TMC1: variants seen among roughly 807,000 people sequenced by gnomAD.
The protein encoded by TMC1 is transmembrane channel like 1.
A neutral mutation model predicts 105.8 loss-of-function variants in TMC1; 84 were observed. That is an observed-to-expected ratio of 0.79 (90% confidence interval 0.67 to 0.95). The LOEUF (loss-of-function observed/expected upper bound fraction) is 0.95. TMC1 is among the 40% of genes least tolerant of loss of function. TMC1 has a pLI of 0.00. For missense variants in TMC1, 817 were observed against 914.1 expected (o/e 0.89, Z 1.37); for synonymous variants, 315 against 311.5 (o/e 1.01, Z -0.12).
chr9:72,545,693 C>T (rs902420380), intron 1 of TMC1, among the ~76,000 whole-genome samples: 1 of 151,842 alleles, frequency 6.6e-6, no homozygotes, highest in Non-Finnish European at 1.5e-5. Flanking sequence ...TCACCATGTT[C>T]GCCAGGCTGG....
At chr9:72,690,567 G>C (rs932481790) in intron 6 of TMC1, among the ~76,000 whole-genome samples, 2 of 152,072 alleles carry the variant, frequency 1.3e-5, no homozygotes, top group African/African-American at 4.8e-5. Context: ...TTATTTCTCT[G>C]TCATTTATAA....
chr9:72,742,233 A>C (rs1482815310), intron 9 of TMC1, among the ~76,000 whole-genome samples: 1 of 152,132 alleles, frequency 6.6e-6, no homozygotes, highest in East Asian at 1.9e-4. Context: ...GGGATCGATA[A>C]ACATTTTTTT....
At position 72,815,972 on chromosome 9, in the gene TMC1, A is replaced by G. The variant is rs574217745; in HGVS notation, c.1696-171A>G. 1.1e-4 allele frequency among the ~76,000 whole-genome samples: 17 copies of G among 152,312 alleles called. No homozygotes were observed. In the East Asian group the frequency reaches 2.7e-3, roughly 24 times the overall value. ...ATGAGTCTCACTGTGTTTAAAAAAAAAAAGGTGCTTTCTTTGTTTTATTTA... is the reference window on the plus strand; with the variant it reads ...ATGAGTCTCACTGTGTTTAAAAAAAGAAAGGTGCTTTCTTTGTTTTATTTA... On this transcript the variant is annotated intron_variant, in intron 18 of 23. Coordinates refer to ENST00000297784, the MANE Select transcript of TMC1 (RefSeq NM_138691.3).
At chr9:72,643,834 C>A (rs1489344907) in intron 4 of TMC1, among the ~76,000 whole-genome samples, 1 of 152,146 alleles carries the variant, frequency 6.6e-6, no homozygotes, top group Non-Finnish European at 1.5e-5. Flanking sequence ...GTATGTTTAA[C>A]TTTTAAAGAA....
At chr9:72,734,136 A>T (rs1475929715) in intron 8 of TMC1, among the ~76,000 whole-genome samples, 1 of 152,234 alleles carries the variant, frequency 6.6e-6, no homozygotes, top group East Asian at 1.9e-4. Flanking sequence ...ATGAGATTTC[A>T]TCATGCTACT....
At chr9:72,714,312 A>G (rs1332322906) in intron 8 of TMC1, among the ~76,000 whole-genome samples, 2 of 152,064 alleles carry the variant, frequency 1.3e-5, no homozygotes, top group Non-Finnish European at 2.9e-5. Context: ...TAAGTCCTGG[A>G]TATCCTTGTT....
intron 6 of TMC1, among the ~76,000 whole-genome samples, chr9:72,693,937 C>A (rs532451760): frequency 6.6e-5 from 10 of 150,928 alleles, no homozygotes; most frequent in African/African-American, 2.4e-4. Context: ...AATAAATGAT[C>A]AAGCAAATGT....
intron 1 of TMC1, among the ~76,000 whole-genome samples, chr9:72,525,285 G>A (rs1823386444): frequency 6.6e-6 from 1 of 152,154 alleles, no homozygotes; most frequent in Admixed American, 6.5e-5. Context: ...AGTAGGACAG[G>A]AGGGCAGCTG....
intron 4 of TMC1, among the ~76,000 whole-genome samples, chr9:72,631,677 G>C (rs1157758149): frequency 3.3e-5 from 5 of 152,306 alleles, no homozygotes; most frequent in Middle Eastern, 6.8e-3. Context: ...AGCAAGTTGA[G>C]GGGGGAAGCA....
In TMC1 at chr9:72,836,117, A is replaced by G. The variant is rs769296389; in HGVS notation, c.*144A>G. 8 of 934,402 alleles carry G rather than the reference A, an allele frequency of 8.6e-6. No individual in the cohort carries two copies. The highest frequency in any genetic ancestry group is 7.2e-5 in the East Asian group (3 of 41,806). 57.9% of individuals were successfully genotyped at this position (934,402 alleles called of 1,614,324 possible). A position where few individuals can be genotyped will look rare whatever the true frequency, so the allele number is the denominator to read the frequency against. On this transcript the variant is annotated 3_prime_UTR_variant, in exon 24 of 24. Coordinates refer to ENST00000297784, the MANE Select transcript of TMC1 (RefSeq NM_138691.3). The stretch of plus-strand genomic sequence containing the variant: ...TGGATTTTCAAGGTCATGCTGGCCA[A>G]TTAAGGCATCATCAGTCCTACCTGA...
Position 72,836,208 on chromosome 9 carries a change from T to G in TMC1, c.*235T>G. 1 of 576,712 alleles carries G rather than the reference T, an allele frequency of 1.7e-6. No homozygotes were observed. The highest frequency in any genetic ancestry group is 3.1e-6 in the Non-Finnish European group (1 of 323,428). 35.7% of individuals were successfully genotyped at this position (576,712 alleles called of 1,614,324 possible). ...TCTGCAGAGCCACTCTCTCCCCTGC[T>G]CCATTTCGTGACTTTTTTTTTTTTT... On this transcript the variant is annotated 3_prime_UTR_variant, in exon 24 of 24. Transcript: ENST00000297784.
At chr9:72,641,036 A>G (rs1825619755) in intron 4 of TMC1, among the ~76,000 whole-genome samples, 1 of 152,144 alleles carries the variant, frequency 6.6e-6, no homozygotes, top group South Asian at 2.1e-4. Context: ...GGTCAAAATT[A>G]TGTTTGTGGG....
intron 13 of TMC1, among the ~76,000 whole-genome samples, chr9:72,774,237 C>A (rs1200343072): frequency 1.3e-5 from 2 of 152,094 alleles, no homozygotes; most frequent in East Asian, 3.8e-4. Flanking sequence ...TCTAGAGCAG[C>A]ATTGTGCCAG....
At chr9:72,810,602 A>G (rs1403260465) in intron 18 of TMC1, among the ~76,000 whole-genome samples, 3 of 152,168 alleles carry the variant, frequency 2.0e-5, no homozygotes, top group Non-Finnish European at 4.4e-5. Flanking sequence ...ATACTTTTGT[A>G]TACGTATATA....
intron 2 of TMC1, among the ~76,000 whole-genome samples, chr9:72,596,200 C>CTGTTA (rs1299635578): frequency 1.3e-5 from 2 of 152,108 alleles, no homozygotes; most frequent in Admixed American, 6.6e-5. Context: ...TAGCTTAAGA[C>CTGTTA]AACAAAGATT....
At chr9:72,832,969 A>G (rs934666832) in intron 23 of TMC1, among the ~76,000 whole-genome samples, 1 of 152,094 alleles carries the variant, frequency 6.6e-6, no homozygotes, top group African/African-American at 2.4e-5. Context: ...TCAATTTGTT[A>G]GTTGATTTTT....
intron 5 of TMC1, chr9:72,655,900 C>G: frequency 1.3e-6 from 1 of 787,314 alleles, no homozygotes; most frequent in Non-Finnish European, 2.3e-6. Context: ...ATCTGCTTAA[C>G]AATCTCAGAA....
chr9:72,522,557 A>G (rs969930922), intron 1 of TMC1, among the ~76,000 whole-genome samples: 4 of 152,228 alleles, frequency 2.6e-5, no homozygotes, highest in Admixed American at 2.6e-4. Flanking sequence ...GACAAGAGAA[A>G]AGGAGAAAGG....
intron 8 of TMC1, among the ~76,000 whole-genome samples, chr9:72,733,287 A>G (rs1310302703): frequency 6.6e-6 from 1 of 151,870 alleles, no homozygotes; most frequent in African/African-American, 2.4e-5. Flanking sequence ...GGCTCAGGAT[A>G]GAATTCCTGA....
Sources: allele counts gnomAD v4.1 joint callset (sites outside exome capture counted in the v4.1 genomes callset), GRCh38; gene constraint gnomAD v4.1.1; transcripts MANE v1.5; gene names NCBI Gene and HGNC (gene_info 2026-07-23, HGNC 2026-07-21).